The following ANKRD36 variants were observed in gnomAD, a reference collection of about 807,000 sequenced individuals.
ANKRD36 encodes the protein ankyrin repeat domain-containing protein 36A.
A neutral mutation model predicts 278.1 loss-of-function variants in ANKRD36; 179 were observed. The observed-to-expected ratio is 0.64, with a 90% CI of 0.57 to 0.73. ANKRD36 has a LOEUF of 0.73. Ranked by LOEUF, ANKRD36 falls within the 30% of genes least tolerant of loss-of-function variation. The pLI, the probability that ANKRD36 is intolerant of heterozygous loss-of-function variation, is 0.00. For synonymous variants in ANKRD36, 320 were observed against 641.1 expected, an observed-to-expected ratio of 0.50 and a Z score of 7.57; for missense variants, 1,159 against 1,956.7, an observed-to-expected ratio of 0.59 and a Z score of 7.69.
intron 6 of ANKRD36, among the ~76,000 whole-genome samples, chr2:97,129,624 A>T (rs1483447821): frequency 6.6e-6 from 1 of 152,028 alleles, no homozygotes; most frequent in Non-Finnish European, 1.5e-5. Context: ...TTAAGTCTTT[A>T]ATCCATCTTG....
intron 66 of ANKRD36, 149 bp from the exon 67 acceptor site, chr2:97,224,657 A>C: frequency 9.3e-7 from 1 of 1,077,632 alleles, no homozygotes; most frequent in Admixed American, 2.9e-5. Context: ...TCACCTTGTT[A>C]GCCAGGATGG....
chr2:97,226,439 G>A (rs1430833039), intron 67 of ANKRD36, among the ~76,000 whole-genome samples: 1 of 149,814 alleles, frequency 6.7e-6, no homozygotes, highest in Non-Finnish European at 1.5e-5. Flanking sequence ...AGAAGTGTCT[G>A]TTCATGTCCT....
chr2:97,158,621 A>C lies in ANKRD36; in HGVS notation c.1355A>C (p.Asn452Thr). Residue 452 changes from asparagine (N) to threonine (T), a missense_variant, in exon 17 of 76, where the codon AAT (asparagine) becomes ACT (threonine). Physicochemically the swap from Asn to Thr is moderately conservative, Grantham distance 65 (BLOSUM62 0). Coordinates refer to ENST00000420699, the MANE Select transcript of ANKRD36 (RefSeq NM_001354587.1). ...GCATGTGGCATTGACAAAACAGAAA[A>C]TGGAAACATGTTTGAAGACCAAAAT... is the stretch of plus-strand genomic sequence containing the variant. ...DAACGIDKTE[N>T]GNMFEDQNVD... is the part of the protein sequence containing the mutation. 1 of 1,527,942 alleles carries C rather than the reference A, an allele frequency of 6.5e-7. No homozygotes were observed. The highest frequency in any genetic ancestry group is 8.7e-7 in the Non-Finnish European group (1 of 1,143,522). The allele number at this position is 1,527,942 out of a possible 1,614,324, so 94.6% of individuals were successfully genotyped here. A position where few individuals can be genotyped will look rare whatever the true frequency, so the allele number is the denominator to read the frequency against.
chr2:97,195,286 A>C (rs1360090606), intron 40 of ANKRD36, among the ~76,000 whole-genome samples: 6 of 151,966 alleles, frequency 3.9e-5, no homozygotes, highest in African/African-American at 1.4e-4. Flanking sequence ...AAAAACAGAC[A>C]GAAAACTGTT....
chr2:97,166,204 A>T (rs970799363), intron 20 of ANKRD36, among the ~76,000 whole-genome samples: 16 of 152,100 alleles, frequency 1.1e-4, no homozygotes, highest in African/African-American at 3.4e-4. Flanking sequence ...AATATGTAAC[A>T]TAGTTTGCTG....
intron 32 of ANKRD36, among the ~76,000 whole-genome samples, chr2:97,188,248 C>A (rs2057839263): frequency 6.6e-6 from 1 of 151,594 alleles, no homozygotes; most frequent in Admixed American, 6.6e-5. Context: ...TATTTTAGAA[C>A]AAAAATTATG....
intron 11 of ANKRD36, among the ~76,000 whole-genome samples, chr2:97,147,587 A>C (rs1456990575): frequency 6.6e-6 from 1 of 151,906 alleles, no homozygotes; most frequent in Non-Finnish European, 1.5e-5. Flanking sequence ...TGAGAATTGC[A>C]CTCAGGTTTC....
At chr2:97,191,245 GA>G (rs2058454420) in intron 36 of ANKRD36, 64 bp downstream of exon 36, 1 of 1,468,352 alleles carries the variant, frequency 6.8e-7, no homozygotes, top group African/African-American at 1.4e-5. Flanking sequence ...TCTCTTTCCT[GA>G]ATGAATTGGC....
At chr2:97,144,812 G>C in intron 10 of ANKRD36, 100 bp downstream of exon 10, 1 of 1,402,658 alleles carries the variant, frequency 7.1e-7, no homozygotes, top group South Asian at 1.3e-5. Flanking sequence ...TGCGCATTCT[G>C]ATTCAGCGGG....
intron 15 of ANKRD36, among the ~76,000 whole-genome samples, chr2:97,156,184 C>T (rs1357775653): frequency 3.4e-5 from 5 of 145,928 alleles, no homozygotes; most frequent in African/African-American, 1.2e-4. Flanking sequence ...CAACCATGTT[C>T]TATTAAATAC....
chr2:97,200,229 C>G (rs2060964899), intron 44 of ANKRD36, 105 bp from the exon 45 acceptor site: 1 of 1,587,682 alleles, frequency 6.3e-7, no homozygotes, highest in Non-Finnish European at 8.5e-7. Flanking sequence ...AAAGCCTCCA[C>G]TAATACAAGC....
At chr2:97,206,514 T>C (rs1218424628) in intron 52 of ANKRD36, among the ~76,000 whole-genome samples, 1 of 151,288 alleles carries the variant, frequency 6.6e-6, no homozygotes, top group Non-Finnish European at 1.5e-5. Context: ...GACAGAAAAC[T>C]TGTTGTAATA....
intron 72 of ANKRD36, chr2:97,248,828 C>G (rs1354450306): frequency 2.4e-6 from 1 of 408,514 alleles, no homozygotes; most frequent in African/African-American, 2.2e-5. Context: ...GGTCTGTGAA[C>G]TTTTCTGTAA....
chr2:97,216,983 A>G lies in ANKRD36; in HGVS notation c.3674-194A>G, dbSNP rs751570881. ...ATACCATGCTTGAAATTGTAAGTAT[A>G]TTTTTCATGAAGGCTGTATTACTTT... On this transcript the variant is annotated intron_variant, in intron 62 of 75. Transcript: ENST00000420699. 1.3e-5 allele frequency: 16 copies of G among 1,251,560 alleles called. No individual in the cohort carries two copies. The African/African-American group carries it at 2.5e-4, about 19-fold the overall frequency. 77.5% of individuals were successfully genotyped at this position (1,251,560 alleles called of 1,614,324 possible).
rs757281592 is a variant in ANKRD36 at position 97,113,227 on chromosome 2, C to T, written c.-513C>T. 4.0e-5 allele frequency among the ~76,000 whole-genome samples: 6 copies of T among 151,878 alleles called. No homozygotes were observed. Among genetic ancestry groups the T allele is most frequent in the South Asian group, 2.1e-4 (1 of 4,792 alleles). On this transcript the variant is annotated 5_prime_UTR_variant, in exon 1 of 76. Coordinates refer to ENST00000420699, the MANE Select transcript of ANKRD36 (RefSeq NM_001354587.1). ...CTGTGGCAACCCCGGATCCCGTCCT[C>T]CCGCCTCGCACCCATCAGCGCGGAC... is the stretch of plus-strand genomic sequence containing the variant.
At chr2:97,128,436 T>G (rs1312544845) in intron 6 of ANKRD36, among the ~76,000 whole-genome samples, 1 of 151,086 alleles carries the variant, frequency 6.6e-6, no homozygotes, top group Non-Finnish European at 1.5e-5. Context: ...GAGTATGAAT[T>G]CTAACAAGTA....
At chr2:97,171,583 G>C in intron 22 of ANKRD36, among the ~76,000 whole-genome samples, 1 of 134,074 alleles carries the variant, frequency 7.5e-6, no homozygotes, top group East Asian at 2.3e-4. Flanking sequence ...GATAGCATTG[G>C]GAGATATACC....
intron 70 of ANKRD36, 69 bp downstream of exon 70, chr2:97,244,098 T>G: frequency 6.5e-7 from 1 of 1,540,986 alleles, no homozygotes; most frequent in Non-Finnish European, 8.7e-7. Context: ...TCTCTTTCAT[T>G]TAACGTATAT....
rs754358291 is a variant in ANKRD36 at position 97,182,014 on chromosome 2, T to TG, written c.1837+223dup. On this transcript the variant is annotated intron_variant, in intron 26 of 75. Transcript: ENST00000420699. ...CATTGAAATTGGGAAGAAGAAACGTTGGAGAGCCATTAAAGACATAAGGAG... is the reference window on the plus strand; with the variant it reads ...CATTGAAATTGGGAAGAAGAAACGTTGGGAGAGCCATTAAAGACATAAGGAG... Among the ~76,000 whole-genome samples, 613 of 151,528 alleles carry TG rather than the reference T, an allele frequency of 4.0e-3. 4 individuals are homozygous for TG. The highest frequency in any genetic ancestry group is 7.3e-3 in the Non-Finnish European group (496 of 67,732).
Sources: gnomAD v4.1 joint callset for allele counts (sites outside exome capture counted in the v4.1 genomes callset) on GRCh38, gnomAD v4.1.1 for gene constraint, MANE v1.5 for transcripts, NCBI Gene and HGNC (gene_info 2026-07-23, HGNC 2026-07-21) for gene names.